The following TMEM132C variants were observed in gnomAD, a reference collection of about 807,000 sequenced individuals.
The protein encoded by TMEM132C is transmembrane protein 132C, also known as protein phosphatase 1, regulatory subunit 152.
Under a neutral mutation model 61.4 loss-of-function variants are expected in TMEM132C, and 29 were observed. That is an observed-to-expected ratio of 0.47 (90% CI 0.35 to 0.64). TMEM132C has a LOEUF of 0.64. Among genes scored for constraint, TMEM132C ranks in the 30% least tolerant of loss-of-function variants. The probability of loss-of-function intolerance (pLI) is 0.00; values close to 1 mark genes in which losing one functional copy is unlikely to be tolerated. For synonymous variants in TMEM132C, 656 were observed against 633.1 expected (o/e 1.04, Z -0.54); for missense variants, 1,408 against 1,476.9 (o/e 0.95, Z 0.76).
At position 128,707,638 on chromosome 12, in the gene TMEM132C, C is replaced by T. The variant is rs540278124; in HGVS notation, c.*1343C>T. 2.6e-5 allele frequency: 4 copies of T among 152,300 alleles called. No homozygotes were observed. The highest frequency in any genetic ancestry group is 6.5e-5 in the Admixed American group (1 of 15,306). 9.4% of individuals were successfully genotyped at this position (152,300 alleles called of 1,614,324 possible). Reference sequence around the variant, plus strand: ...TCGTGATCACCTGACTCCAGTTCTCCGTGTGCTCCATTGGCTGCGGCTGCA... The same window carrying T: ...TCGTGATCACCTGACTCCAGTTCTCTGTGTGCTCCATTGGCTGCGGCTGCA... On this transcript the variant is annotated 3_prime_UTR_variant, in exon 9 of 9. Coordinates refer to ENST00000435159, the MANE Select transcript of TMEM132C (RefSeq NM_001136103.3).
intron 1 of TMEM132C, among the ~76,000 whole-genome samples, chr12:128,306,657 G>A (rs140611806): frequency 1.6e-3 from 236 of 152,236 alleles, no homozygotes; most frequent in Middle Eastern, 0.01. Context: ...TATTTTTAGT[G>A]TCCTGTTTTT....
chr12:128,476,513 C>A (rs572198445), intron 2 of TMEM132C, among the ~76,000 whole-genome samples: 2 of 152,146 alleles, frequency 1.3e-5, no homozygotes, highest in East Asian at 3.9e-4. Context: ...TTCCTGTCTA[C>A]ATCATAAAGT....
chr12:128,334,376 G>T (rs969746530), intron 1 of TMEM132C, among the ~76,000 whole-genome samples: 4 of 152,162 alleles, frequency 2.6e-5, no homozygotes, highest in Non-Finnish European at 5.9e-5. Context: ...CGGGGCCCGT[G>T]TGCATTCTCA....
chr12:128,527,648 A>G (rs1259558554), intron 2 of TMEM132C, among the ~76,000 whole-genome samples: 2 of 152,086 alleles, frequency 1.3e-5, no homozygotes, highest in African/African-American at 4.8e-5. Flanking sequence ...TCTGGTTCCC[A>G]TCAAGTTAGC....
At chr12:128,497,424 C>A (rs910707928) in intron 2 of TMEM132C, among the ~76,000 whole-genome samples, 1 of 152,190 alleles carries the variant, frequency 6.6e-6, no homozygotes, top group African/African-American at 2.4e-5. Flanking sequence ...GCCCTGCCCC[C>A]AGAGGTGGAG....
At chr12:128,355,584 TTA>T (rs1488040963) in intron 1 of TMEM132C, among the ~76,000 whole-genome samples, 2 of 151,974 alleles carry the variant, frequency 1.3e-5, no homozygotes, top group Non-Finnish European at 1.5e-5. Flanking sequence ...GGCTCCCATC[TTA>T]TTCAGATTAA....
chr12:128,706,414 C>A lies in TMEM132C; in HGVS notation c.*119C>A. 2.3e-6 allele frequency: 3 copies of A among 1,307,108 alleles called. No homozygotes were observed. Among genetic ancestry groups the A allele is most frequent in the Non-Finnish European group, 2.0e-6 (2 of 1,001,594 alleles). 81.0% of individuals were successfully genotyped at this position (1,307,108 alleles called of 1,614,324 possible). ...GGACGGTCCCAGGGTCCATGCTAGA[C>A]CAGTTGGAAAGTTTTGAAGTCAGGA... On this transcript the variant is annotated 3_prime_UTR_variant, in exon 9 of 9. Transcript: ENST00000435159.
chr12:128,680,379 T>A (rs998625712), intron 5 of TMEM132C, among the ~76,000 whole-genome samples: 1 of 152,208 alleles, frequency 6.6e-6, no homozygotes, highest in Admixed American at 6.5e-5. Context: ...TGGCCTCAGA[T>A]TCCCAGCAGG....
chr12:128,474,901 G>A (rs936357085), intron 2 of TMEM132C, among the ~76,000 whole-genome samples: 4 of 152,088 alleles, frequency 2.6e-5, no homozygotes, highest in African/African-American at 9.7e-5. Context: ...TCTGTGTCTC[G>A]GTTTTTCTGT....
intron 1 of TMEM132C, among the ~76,000 whole-genome samples, chr12:128,377,175 C>T (rs534181905): frequency 1.3e-5 from 2 of 152,202 alleles, no homozygotes; most frequent in South Asian, 4.2e-4. Flanking sequence ...CTGCCTCAGA[C>T]TCCCAAGTAG....
chr12:128,622,198 G>C (rs952877959), intron 4 of TMEM132C, among the ~76,000 whole-genome samples: 1 of 150,970 alleles, frequency 6.6e-6, no homozygotes, highest in Non-Finnish European at 1.5e-5. Context: ...ACTAAAATTA[G>C]CCAGGCATGG....
chr12:128,274,907 C>T (rs1192416170), intron 1 of TMEM132C, among the ~76,000 whole-genome samples: 1 of 152,166 alleles, frequency 6.6e-6, no homozygotes, highest in African/African-American at 2.4e-5. Flanking sequence ...CAGGGATGCA[C>T]ACAGATTGTG....
rs532821139 is a variant in TMEM132C, at chr12:128,551,222, C to G, written c.1121+7119C>G. 2.2e-3 allele frequency among the ~76,000 whole-genome samples: 336 copies of G among 151,320 alleles called. 4 individuals are homozygous for G. The highest frequency in any genetic ancestry group is 7.6e-3 in the African/African-American group (309 of 40,714). ...AGAAACATAAGAGCCCCCCCCCTCC[C>G]GCTTCCTCCCCTGGTGAAATGTCCT... On this transcript the variant is annotated intron_variant, in intron 3 of 8. Transcript: ENST00000435159.
At chr12:128,632,958 C>G (rs992763380) in intron 4 of TMEM132C, among the ~76,000 whole-genome samples, 2 of 152,138 alleles carry the variant, frequency 1.3e-5, no homozygotes, top group African/African-American at 4.8e-5. Flanking sequence ...TGGTGCATAA[C>G]AATTTTCCCT....
Position 128,302,981 on chromosome 12 carries a change from G to A in TMEM132C, c.85+35494G>A, listed in dbSNP as rs73154735. ...ATCTTTGCACCCTAGGGCAATGTGT[G>A]CCCCCACCTGACCTCCAGATGGTAT... On this transcript the variant is annotated intron_variant, in intron 1 of 8. Transcript: ENST00000435159. Among the ~76,000 whole-genome samples the A allele has an allele frequency of 6.4e-3, 978 of 152,308 alleles. 3 individuals are homozygous for A. The highest frequency in any genetic ancestry group is 9.8e-3 in the Non-Finnish European group (666 of 68,030).
chr12:128,427,327 T>C (rs1323229743), intron 2 of TMEM132C, among the ~76,000 whole-genome samples: 1 of 151,916 alleles, frequency 6.6e-6, no homozygotes, highest in Non-Finnish European at 1.5e-5. Context: ...CCTGTGCTCC[T>C]AGAGAAGTGG....
chr12:128,427,721 C>G (rs80026014), intron 2 of TMEM132C, among the ~76,000 whole-genome samples: 2,096 of 152,300 alleles, frequency 0.014, 53 homozygotes, highest in African/African-American at 0.045. Context: ...AGAAGCCCGG[C>G]ATCCTCACCC....
chr12:128,664,126 G>A (rs539429984), intron 4 of TMEM132C, among the ~76,000 whole-genome samples: 19 of 129,670 alleles, frequency 1.5e-4, no homozygotes, highest in Non-Finnish European at 2.6e-4. Context: ...CCGCACGCAC[G>A]CGGGCACTCA....
Position 128,415,125 on chromosome 12 carries a change from A to G in TMEM132C, c.479A>G (p.Asp160Gly), listed in dbSNP as rs991036666. ...CACATCATGGGCAGAGACTGGGATGACCACGGCGCCGGGGAGAAGCTGCCA... is the reference window on the plus strand; with the variant it reads ...CACATCATGGGCAGAGACTGGGATGGCCACGGCGCCGGGGAGAAGCTGCCA... ...LFHIMGRDWD[D>G]HGAGEKLPCL... is the part of the protein sequence containing the mutation. The change falls in exon 2 of 9, where the codon GAC becomes GGC. Residue 160 changes from aspartate to glycine, a missense_variant. Coordinates refer to ENST00000435159, the MANE Select transcript of TMEM132C (RefSeq NM_001136103.3). This position sits in a 1 kb window ranked among gnomAD's most constrained non-coding sequence, Gnocchi z 5.8. 2.5e-6 allele frequency: 4 copies of G among 1,609,582 alleles called. No homozygotes were observed. The highest frequency in any genetic ancestry group is 3.4e-6 in the Non-Finnish European group (4 of 1,178,104).
Sources: allele counts gnomAD v4.1 joint callset (sites outside exome capture counted in the v4.1 genomes callset), GRCh38; gene constraint gnomAD v4.1.1; non-coding constraint Gnocchi (gnomAD v3.1); transcripts MANE v1.5; gene names NCBI Gene and HGNC (gene_info 2026-07-23, HGNC 2026-07-21).